Variants in TTC28 observed in about 807,000 individuals in gnomAD.
TTC28 encodes the protein tetratricopeptide repeat domain 28, also known as tetratricopeptide repeat protein 28.
TTC28 carries 61 observed loss-of-function variants against 198.0 expected under a neutral mutation model. The ratio of observed to expected loss-of-function variants is 0.31; its 90% confidence interval spans 0.25 to 0.38. The LOEUF is 0.38. Ranked by LOEUF, TTC28 falls within the 10% of genes least tolerant of loss-of-function variation. TTC28 has a pLI of 1.00. For missense variants in TTC28, 2,678 were observed against 3,164.0 expected (o/e 0.85, Z 3.69); for synonymous variants, 1,171 against 1,297.8 (o/e 0.90, Z 2.10).
At chr22:28,073,582 G>C (rs73880387) in intron 12 of TTC28, among the ~76,000 whole-genome samples, 10,497 of 152,248 alleles carry the variant, frequency 0.069, 426 homozygotes, top group South Asian at 0.09. Flanking sequence ...AGAAGATGAT[G>C]CTTCTTTCTC....
chr22:28,302,601 A>C (rs1376882020), intron 3 of TTC28, among the ~76,000 whole-genome samples: 5 of 152,246 alleles, frequency 3.3e-5, no homozygotes, highest in Admixed American at 3.3e-4. Context: ...CCAATGGACT[A>C]GCAAATGGCA....
At chr22:28,039,862 G>C (rs1398914421) in intron 12 of TTC28, among the ~76,000 whole-genome samples, 2 of 152,092 alleles carry the variant, frequency 1.3e-5, no homozygotes, top group Admixed American at 1.3e-4. Context: ...GAAGAAAAGA[G>C]AGAAGAATCA....
chr22:28,263,442 C>A (rs1931465007), intron 5 of TTC28, among the ~76,000 whole-genome samples: 1 of 151,994 alleles, frequency 6.6e-6, no homozygotes, highest in African/African-American at 2.4e-5. Flanking sequence ...AAAGGAATAG[C>A]AGGCAAAAAA....
At chr22:28,090,297 A>T (rs1941774021) in intron 12 of TTC28, among the ~76,000 whole-genome samples, 1 of 152,016 alleles carries the variant, frequency 6.6e-6, no homozygotes, top group Non-Finnish European at 1.5e-5. Context: ...ATAATTACAA[A>T]ATTTAAATTA....
chr22:28,679,733 GC>G lies in TTC28; in HGVS notation c.-11del, dbSNP rs991774128. The G allele has an allele frequency of 3.3e-5, 40 of 1,216,786 alleles. No individual in the cohort carries two copies. The highest frequency in any genetic ancestry group is 1.0e-4 in the East Asian group (3 of 30,060). 75.4% of individuals were successfully genotyped at this position (1,216,786 alleles called of 1,614,324 possible). On this transcript the variant is annotated 5_prime_UTR_variant, in exon 1 of 23. Transcript: ENST00000397906. The stretch of plus-strand genomic sequence containing the variant: ...GCGGCGACTGCTCCATCCCCACGGG[GC>G]CCGGGCCGCGTCCGCCTCGAGCTAA...
chr22:28,466,885 CTAAG>C (rs1451171503), intron 2 of TTC28, among the ~76,000 whole-genome samples: 6 of 150,556 alleles, frequency 4.0e-5, no homozygotes, highest in Admixed American at 3.3e-4. Flanking sequence ...TGTGACCTTG[CTAAG>C]TAATACATTA....
chr22:28,494,634 A>G (rs1001094750), intron 2 of TTC28, among the ~76,000 whole-genome samples: 7 of 152,136 alleles, frequency 4.6e-5, no homozygotes, highest in African/African-American at 1.7e-4. Flanking sequence ...CCCTGTACTG[A>G]TTGCATTCTG....
chr22:28,575,213 T>C (rs925134652), intron 2 of TTC28, among the ~76,000 whole-genome samples: 7 of 152,114 alleles, frequency 4.6e-5, no homozygotes, highest in African/African-American at 1.7e-4. Context: ...TGGCAAGAGA[T>C]AAGGGTCTAG....
intron 1 of TTC28, among the ~76,000 whole-genome samples, chr22:28,655,820 CA>C (rs2146270705): frequency 6.6e-6 from 1 of 150,706 alleles, no homozygotes; most frequent in Admixed American, 6.6e-5. Context: ...CACTGCACTC[CA>C]GCCTGGGCGA....
chr22:28,240,162 C>CA (rs1226615448), intron 5 of TTC28, among the ~76,000 whole-genome samples: 3 of 152,142 alleles, frequency 2.0e-5, no homozygotes, highest in Non-Finnish European at 4.4e-5. Context: ...CAGGCAAAGA[C>CA]AAAAACAATC....
intron 2 of TTC28, among the ~76,000 whole-genome samples, chr22:28,624,944 T>TAA (rs1205602440): frequency 1.3e-5 from 2 of 152,214 alleles, no homozygotes; most frequent in Non-Finnish European, 2.9e-5. Flanking sequence ...TTAGTTGATT[T>TAA]AATATCCCCA....
Position 28,344,663 on chromosome 22 carries a change from G to C in TTC28, c.382-38020C>G, listed in dbSNP as rs528072337. ...TCTATAATCTTCATGCAATAAGATA[G>C]AGTCCACTGTTAGGATAGTAAAGTT... On this transcript the variant is annotated intron_variant, in intron 2 of 22. Coordinates refer to ENST00000397906, the MANE Select transcript of TTC28 (RefSeq NM_001145418.2). Among the ~76,000 whole-genome samples the C allele has an allele frequency of 2.6e-5, 4 of 152,230 alleles. No individual in the cohort carries two copies. In the South Asian group the frequency reaches 8.3e-4, roughly 32 times the overall value.
intron 5 of TTC28, among the ~76,000 whole-genome samples, chr22:28,208,525 A>G (rs1462656483): frequency 6.6e-6 from 1 of 152,206 alleles, no homozygotes; most frequent in Non-Finnish European, 1.5e-5. Flanking sequence ...AAGGAAGTTC[A>G]AAGATCTGGG....
chr22:28,586,879 G>A (rs2050327870), intron 2 of TTC28, among the ~76,000 whole-genome samples: 1 of 152,152 alleles, frequency 6.6e-6, no homozygotes, highest in Non-Finnish European at 1.5e-5. Flanking sequence ...TATATGAAGT[G>A]TACCTTTCAT....
rs559027956 is a variant in TTC28 at position 28,461,852 on chromosome 22, G to A, written c.382-155209C>T. Among the ~76,000 whole-genome samples the A allele has an allele frequency of 8.1e-4, 124 of 152,214 alleles. 1 individual carries two copies. In the South Asian group the frequency reaches 0.025, roughly 31 times the overall value. On this transcript the variant is annotated intron_variant, in intron 2 of 22. Coordinates refer to ENST00000397906, the MANE Select transcript of TTC28 (RefSeq NM_001145418.2). Reference sequence around the variant, plus strand: ...GCTCTCTTCTCTGTCTTTCCCACCAGTCATGCTAACCCCCACCCAGGTCAT... The same window carrying A: ...GCTCTCTTCTCTGTCTTTCCCACCAATCATGCTAACCCCCACCCAGGTCAT...
chr22:28,367,832 A>G (rs1178375606), intron 2 of TTC28, among the ~76,000 whole-genome samples: 2 of 152,024 alleles, frequency 1.3e-5, no homozygotes, highest in African/African-American at 4.8e-5. Flanking sequence ...GGAAATTCCT[A>G]GACCCCTACA....
intron 1 of TTC28, among the ~76,000 whole-genome samples, chr22:28,674,863 C>T (rs1437644173): frequency 1.3e-5 from 2 of 151,148 alleles, no homozygotes; most frequent in African/African-American, 2.4e-5. Context: ...TGTAAAAATC[C>T]CAGCTGTCTT....
At chr22:28,247,702 T>C (rs1601527911) in intron 5 of TTC28, among the ~76,000 whole-genome samples, 4 of 152,154 alleles carry the variant, frequency 2.6e-5, no homozygotes, top group Admixed American at 2.0e-4. Context: ...GAGAATACTT[T>C]ACCTTGACAA....
intron 2 of TTC28, among the ~76,000 whole-genome samples, chr22:28,459,677 G>A (rs1192510060): frequency 6.6e-6 from 1 of 152,114 alleles, no homozygotes; most frequent in African/African-American, 2.4e-5. Flanking sequence ...TCTTGCCTTT[G>A]TCCTCAGTCT....
Sources: gnomAD v4.1 joint callset for allele counts (sites outside exome capture counted in the v4.1 genomes callset) on GRCh38, gnomAD v4.1.1 for gene constraint, MANE v1.5 for transcripts, NCBI Gene and HGNC (gene_info 2026-07-23, HGNC 2026-07-21) for gene names.